The following KIRREL3 variants were observed in gnomAD, a reference collection of about 807,000 sequenced individuals.
The protein encoded by KIRREL3 is kirre like nephrin family adhesion molecule 3, also known as kin of IRRE-like protein 3.
A neutral mutation model predicts 89.7 loss-of-function variants in KIRREL3; 36 were observed. That is an observed-to-expected ratio of 0.40 (90% CI 0.31 to 0.53). The LOEUF (loss-of-function observed/expected upper bound fraction) is 0.53. Among genes scored for constraint, KIRREL3 ranks in the 20% least tolerant of loss-of-function variants. The pLI is 0.49. For missense variants in KIRREL3, 864 were observed against 1,056.6 expected (o/e 0.82, Z 2.53); for synonymous variants, 445 against 441.4 (o/e 1.01, Z -0.10).
intron 6 of KIRREL3, among the ~76,000 whole-genome samples, chr11:126,458,164 G>C (rs562680723): frequency 6.6e-6 from 1 of 152,226 alleles, no homozygotes; most frequent in Non-Finnish European, 1.5e-5. Context: ...TGGGCCCTGG[G>C]CTGCATCTTC....
At chr11:126,468,931 A>G (rs533233479) in intron 5 of KIRREL3, among the ~76,000 whole-genome samples, 8 of 152,324 alleles carry the variant, frequency 5.3e-5, no homozygotes, top group African/African-American at 1.2e-4. Flanking sequence ...CAGCCTAACT[A>G]TGACACCGAT....
At position 126,579,887 on chromosome 11, in the gene KIRREL3, C is replaced by T. The variant is rs188618257; in HGVS notation, c.56-16975G>A. 6.6e-3 allele frequency among the ~76,000 whole-genome samples: 1,000 copies of T among 152,034 alleles called. 10 individuals carry two copies. The highest frequency in any genetic ancestry group is 6.0e-3 in the Non-Finnish European group (408 of 67,984). ...TTGAGGCAGAGTCTTGCTCTGTCACCCAGGCTGGAGTGCAGTGGCACAATC... is the reference window on the plus strand; with the variant it reads ...TTGAGGCAGAGTCTTGCTCTGTCACTCAGGCTGGAGTGCAGTGGCACAATC... On this transcript the variant is annotated intron_variant, in intron 1 of 16. Transcript: ENST00000525144. The surrounding 1 kb of genome is among the most constrained non-coding windows in gnomAD (Gnocchi z 5.3).
At chr11:126,675,755 T>A (rs2135076433) in intron 1 of KIRREL3, among the ~76,000 whole-genome samples, 1 of 152,308 alleles carries the variant, frequency 6.6e-6, no homozygotes, top group East Asian at 1.9e-4. Context: ...GCATAGGAAT[T>A]TGAACTTTAT....
intron 4 of KIRREL3, among the ~76,000 whole-genome samples, chr11:126,512,319 C>G (rs536141732): frequency 1.3e-5 from 2 of 152,356 alleles, no homozygotes; most frequent in South Asian, 4.1e-4. Context: ...CCTGCGTGCA[C>G]CAGCGCATTT....
At chr11:126,857,626 C>T (rs373292586) in intron 1 of KIRREL3, among the ~76,000 whole-genome samples, 1 of 152,012 alleles carries the variant, frequency 6.6e-6, no homozygotes, top group Non-Finnish European at 1.5e-5. Context: ...CTGGTATTTC[C>T]TTCATGGTCA....
rs1958827497 is a variant in KIRREL3, at chr11:126,528,321, C to A, written c.134-1634G>T. Among the ~76,000 whole-genome samples the A allele has an allele frequency of 6.6e-6, 1 of 152,228 alleles. No homozygotes were observed. The highest frequency in any genetic ancestry group is 6.5e-5 in the Admixed American group (1 of 15,284). On this transcript the variant is annotated intron_variant, in intron 2 of 16. Transcript: ENST00000525144. This position sits in a 1 kb window ranked among gnomAD's most constrained non-coding sequence, Gnocchi z 4.6. ...GACAAAAAGCCCCAGGCTTGGGCCA[C>A]ACCTAGGACTGAGCTCTCAGCAACA...
chr11:126,865,078 A>G (rs1214970352), intron 1 of KIRREL3, among the ~76,000 whole-genome samples: 1 of 152,192 alleles, frequency 6.6e-6, no homozygotes, highest in Non-Finnish European at 1.5e-5. Flanking sequence ...TGCCTCCAGG[A>G]ATCAAGGCGC....
intron 1 of KIRREL3, among the ~76,000 whole-genome samples, chr11:126,595,304 C>T (rs570723145): frequency 6.6e-6 from 1 of 152,328 alleles, no homozygotes; most frequent in East Asian, 1.9e-4. Flanking sequence ...TCCAGCCTGG[C>T]TCCAGAGATC....
chr11:126,846,656 A>AAAAACAAAAC (rs56290943), intron 1 of KIRREL3, among the ~76,000 whole-genome samples: 57 of 151,002 alleles, frequency 3.8e-4, no homozygotes, highest in East Asian at 7.8e-4. Flanking sequence ...TGAGACTACT[A>AAAAACAAAAC]AAAACAAAAC....
intron 1 of KIRREL3, among the ~76,000 whole-genome samples, chr11:126,732,796 A>G (rs4935988): frequency 0.64 from 97,256 of 152,166 alleles, 31,524 homozygotes; most frequent in East Asian, 0.91. Context: ...CTAACCCCAG[A>G]GCACTGCAGA....
chr11:126,802,985 G>A lies in KIRREL3; in HGVS notation c.55+197470C>T, dbSNP rs192527065. Among the ~76,000 whole-genome samples, 1 of 152,140 alleles carries A rather than the reference G, an allele frequency of 6.6e-6. No homozygotes were observed. Among genetic ancestry groups the A allele is most frequent in the South Asian group, 2.1e-4 (1 of 4,826 alleles). On this transcript the variant is annotated intron_variant, in intron 1 of 16. Coordinates refer to ENST00000525144, the MANE Select transcript of KIRREL3 (RefSeq NM_032531.4). This position sits in a 1 kb window ranked among gnomAD's most constrained non-coding sequence, Gnocchi z 5.2. Reference sequence around the variant, plus strand: ...TGTAAGGGAGCTGTATTCCCTGGAAGCTTCCTACATGGGTATTACAGAGTT... The same window carrying A: ...TGTAAGGGAGCTGTATTCCCTGGAAACTTCCTACATGGGTATTACAGAGTT...
rs922073405 is a variant in KIRREL3, at chr11:126,655,429, T to G, written c.56-92517A>C. ...CCTTTGTCTCCCTGAAAAGCCTGCC[T>G]CTTTTCTCCTTCACCCCTCCACTCC... is the stretch of plus-strand genomic sequence containing the variant. On this transcript the variant is annotated intron_variant, in intron 1 of 16. Transcript: ENST00000525144. The surrounding 1 kb of genome is among the most constrained non-coding windows in gnomAD (Gnocchi z 5.0). 6.6e-6 allele frequency among the ~76,000 whole-genome samples: 1 copy of G among 152,106 alleles called. No homozygotes were observed. The highest frequency in any genetic ancestry group is 2.4e-5 in the African/African-American group (1 of 41,406).
chr11:126,927,294 A>G (rs1947762475), intron 1 of KIRREL3, among the ~76,000 whole-genome samples: 1 of 152,176 alleles, frequency 6.6e-6, no homozygotes, highest in Non-Finnish European at 1.5e-5. Context: ...ACAACACACT[A>G]TGCACTTGAT....
At chr11:126,794,396 T>C (rs2134369143) in intron 1 of KIRREL3, among the ~76,000 whole-genome samples, 1 of 152,198 alleles carries the variant, frequency 6.6e-6, no homozygotes, top group East Asian at 1.9e-4. Flanking sequence ...GAAGACCAGA[T>C]GCCAGCCCCT....
At chr11:126,457,367 A>ATG (rs1322795816) in intron 6 of KIRREL3, among the ~76,000 whole-genome samples, 5 of 73,084 alleles carry the variant, frequency 6.8e-5, no homozygotes, top group East Asian at 8.2e-4. Context: ...CTCTGTGTGT[A>ATG]TGCGTGTATG....
rs1018792571 is a variant in KIRREL3, at chr11:126,612,960, G to A, written c.56-50048C>T. ...CTATGAACATCTGTGTAAAGTTTTT[G>A]TGTGAACGTATGTTTTCAGTACTCT... On this transcript the variant is annotated intron_variant, in intron 1 of 16. Transcript: ENST00000525144. This position sits in a 1 kb window ranked among gnomAD's most constrained non-coding sequence, Gnocchi z 4.5. Among the ~76,000 whole-genome samples the A allele has an allele frequency of 6.6e-6, 1 of 152,144 alleles. No homozygotes were observed. The highest frequency in any genetic ancestry group is 2.4e-5 in the African/African-American group (1 of 41,426).
At chr11:126,556,429 C>T (rs1308585262) in intron 2 of KIRREL3, among the ~76,000 whole-genome samples, 7 of 151,956 alleles carry the variant, frequency 4.6e-5, no homozygotes. Context: ...TTGCTTGAGG[C>T]CAGGGGTTTG....
intron 1 of KIRREL3, among the ~76,000 whole-genome samples, chr11:126,863,519 GA>G (rs1944801196): frequency 6.7e-6 from 1 of 150,258 alleles, no homozygotes; most frequent in African/African-American, 2.5e-5. Context: ...GTGTGTGTTT[GA>G]GTGCGTGTGT....
Position 126,682,656 on chromosome 11 carries a change from C to T in KIRREL3, c.56-119744G>A, listed in dbSNP as rs1946511201. ...ATGAAACTGTTCCATCATAGATCTT[C>T]AGGCACTAGTTAGATTCTCATAAGA... is the stretch of plus-strand genomic sequence containing the variant. On this transcript the variant is annotated intron_variant, in intron 1 of 16. Transcript: ENST00000525144. The surrounding 1 kb of genome is among the most constrained non-coding windows in gnomAD (Gnocchi z 4.8). Among the ~76,000 whole-genome samples, 1 of 152,138 alleles carries T rather than the reference C, an allele frequency of 6.6e-6. No individual in the cohort carries two copies. Among genetic ancestry groups the T allele is most frequent in the Non-Finnish European group, 1.5e-5 (1 of 68,030 alleles).
Sources: allele counts gnomAD v4.1 joint callset (sites outside exome capture counted in the v4.1 genomes callset), GRCh38; gene constraint gnomAD v4.1.1; non-coding constraint Gnocchi (gnomAD v3.1); transcripts MANE v1.5; gene names NCBI Gene and HGNC (gene_info 2026-07-23, HGNC 2026-07-21).